Variants in NUTM2B observed in about 807,000 individuals in gnomAD.
The protein encoded by NUTM2B is family with sequence similarity 22, member B.
NUTM2B carries 2 observed loss-of-function variants against 42.4 expected under a neutral mutation model. That is an observed-to-expected ratio of 0.05 (90% CI 0.02 to 0.15). NUTM2B has a LOEUF of 0.15. Among genes scored for constraint, NUTM2B ranks in the 10% least tolerant of loss-of-function variants. The probability of loss-of-function intolerance (pLI) is 1.00; values close to 1 mark genes in which losing one functional copy is unlikely to be tolerated. For synonymous variants in NUTM2B, 18 were observed against 402.4 expected, an observed-to-expected ratio of 0.04 and a Z score of 11.43; for missense variants, 58 against 952.6, an observed-to-expected ratio of 0.06 and a Z score of 12.36.
upstream of NUTM2B, among the ~76,000 whole-genome samples, chr10:79,702,892 GC>G (rs1485856224): frequency 1.3e-5 from 2 of 150,568 alleles, no homozygotes; most frequent in African/African-American, 5.0e-5. Flanking sequence ...TTAAAGACAG[GC>G]TACAATAATT....
chr10:79,707,381 G>T (rs1218068137), intron 2 of NUTM2B, among the ~76,000 whole-genome samples: 5 of 132,896 alleles, frequency 3.8e-5, no homozygotes, highest in Non-Finnish European at 7.9e-5. Flanking sequence ...CACAGTGCCT[G>T]GCACATGCTA....
the NUTM2B span, among the ~76,000 whole-genome samples, chr10:79,694,457 C>T: frequency 0.12 from 17,527 of 149,856 alleles, 1,221 homozygotes; most frequent in East Asian, 0.25. Context: ...AGCTGAGATG[C>T]GCTTGCCACT....
the NUTM2B span, among the ~76,000 whole-genome samples, chr10:79,696,772 A>T: frequency 6.6e-6 from 1 of 152,378 alleles, no homozygotes; most frequent in East Asian, 1.9e-4. Flanking sequence ...AGGCACTAGC[A>T]TGTGCAGCAA....
upstream of NUTM2B, among the ~76,000 whole-genome samples, chr10:79,702,645 T>C (rs1359973334): frequency 2.0e-5 from 3 of 150,590 alleles, no homozygotes; most frequent in Non-Finnish European, 4.4e-5. Flanking sequence ...GCTGAAGGCC[T>C]CTTCCCTTCC....
the NUTM2B span, among the ~76,000 whole-genome samples, chr10:79,695,749 C>G: frequency 6.6e-6 from 1 of 151,962 alleles, no homozygotes; most frequent in Non-Finnish European, 1.5e-5. Context: ...GGAAACCCCA[C>G]ATCTTTCTGA....
the NUTM2B span, among the ~76,000 whole-genome samples, chr10:79,694,852 T>C: frequency 6.6e-6 from 1 of 152,058 alleles, no homozygotes; most frequent in African/African-American, 2.4e-5. Context: ...GATCGGTGCC[T>C]CCTCTCCTTG....
chr10:79,702,336 T>G (rs1337102247), upstream of NUTM2B, among the ~76,000 whole-genome samples: 1 of 151,598 alleles, frequency 6.6e-6, no homozygotes, highest in East Asian at 2.0e-4. Context: ...TGGAGACATT[T>G]CACAGAAATG....
chr10:79,700,641 TTTA>T (rs1298891028), upstream of NUTM2B, among the ~76,000 whole-genome samples: 1 of 152,088 alleles, frequency 6.6e-6, no homozygotes, highest in Admixed American at 6.5e-5. Context: ...CACCCTTGGC[TTTA>T]TTTTTAGGTA....
the NUTM2B span, among the ~76,000 whole-genome samples, chr10:79,697,827 G>A: frequency 1.4e-5 from 2 of 146,218 alleles, 1 homozygote; most frequent in African/African-American, 5.1e-5. Flanking sequence ...TAAAATACAG[G>A]AATCCATGAT....
upstream of NUTM2B, among the ~76,000 whole-genome samples, chr10:79,700,197 A>C (rs2132235641): frequency 6.6e-6 from 1 of 152,394 alleles, no homozygotes; most frequent in African/African-American, 2.4e-5. Context: ...ATCAGTGACA[A>C]ATCAGCGTAT....
At chr10:79,693,576 G>A in the NUTM2B span, among the ~76,000 whole-genome samples, 1 of 152,172 alleles carries the variant, frequency 6.6e-6, no homozygotes, top group South Asian at 2.1e-4. Flanking sequence ...CATGCAACCT[G>A]CATGGGAAAT....
chr10:79,704,327 C>T (rs1478289828), intron 1 of NUTM2B, among the ~76,000 whole-genome samples: 4 of 95,434 alleles, frequency 4.2e-5, no homozygotes, highest in African/African-American at 2.1e-4. Context: ...CTGGTGGCCC[C>T]GGGAGGATGA....
At chr10:79,700,138 C>A (rs35076343), upstream of NUTM2B, among the ~76,000 whole-genome samples, 99 of 139,800 alleles carry the variant, frequency 7.1e-4, no homozygotes, top group African/African-American at 2.5e-3. Context: ...TGCTACCAAG[C>A]GAACAAACTA....
the NUTM2B span, among the ~76,000 whole-genome samples, chr10:79,694,432 G>A: frequency 6.6e-6 from 1 of 151,370 alleles, no homozygotes; most frequent in African/African-American, 2.4e-5. Context: ...GGAAAAAAAA[G>A]AAACATGAAG....
chr10:79,696,879 A>T, the NUTM2B span, among the ~76,000 whole-genome samples: 10 of 148,440 alleles, frequency 6.7e-5, no homozygotes, highest in African/African-American at 2.5e-4. Flanking sequence ...CCCATAAAGG[A>T]GGTTTCCCCA....
At chr10:79,711,591 C>T in intron 6 of NUTM2B, 109 bp from the exon 7 acceptor site, 2 of 1,223,868 alleles carry the variant, frequency 1.6e-6, no homozygotes, top group South Asian at 1.4e-5. Context: ...ACATAAAGCC[C>T]AGCTGCCTCA....
chr10:79,705,611 C>T (rs3871226), intron 1 of NUTM2B, among the ~76,000 whole-genome samples: 1 of 123,386 alleles, frequency 8.1e-6, no homozygotes, highest in Admixed American at 8.3e-5. Flanking sequence ...CCATAATATT[C>T]GGAAGCTTCT....
At chr10:79,709,432 G>A (rs1287264393) in intron 3 of NUTM2B, among the ~76,000 whole-genome samples, 12 of 133,296 alleles carry the variant, frequency 9.0e-5, no homozygotes, top group African/African-American at 3.5e-4. Flanking sequence ...TTATCTTTCA[G>A]GGGCCCACAG....
the NUTM2B span, among the ~76,000 whole-genome samples, chr10:79,693,941 G>A: frequency 6.6e-6 from 1 of 152,194 alleles, no homozygotes; most frequent in Non-Finnish European, 1.5e-5. Context: ...GCCAGAAGGC[G>A]ACTCCCGGTA....
Sources: allele counts gnomAD v4.1 joint callset (sites outside exome capture counted in the v4.1 genomes callset), GRCh38; gene constraint gnomAD v4.1.1; transcripts MANE v1.5; gene names NCBI Gene and HGNC (gene_info 2026-07-23, HGNC 2026-07-21).